PPIL3: variants seen among roughly 807,000 people sequenced by gnomAD.
PPIL3 encodes the protein peptidyl-prolyl cis-trans isomerase-like 3.
PPIL3 carries 13 observed loss-of-function variants against 20.9 expected under a neutral mutation model. The ratio of observed to expected loss-of-function variants is 0.62; its 90% CI spans 0.40 to 0.99. PPIL3 has a LOEUF of 0.99. Among genes scored for constraint, PPIL3 ranks in the 50% least tolerant of loss-of-function variants. The pLI is 0.00. For missense variants in PPIL3, 170 were observed against 195.2 expected, an observed-to-expected ratio of 0.87 and a Z score of 0.77; for synonymous variants, 71 against 64.4, an observed-to-expected ratio of 1.10 and a Z score of -0.49.
intron 5 of PPIL3, among the ~76,000 whole-genome samples, chr2:200,880,323 G>A (rs866587373): frequency 5.9e-5 from 9 of 151,362 alleles, no homozygotes. Context: ...ACACTGCAAT[G>A]AATTTTTTTC....
At position 200,882,384 on chromosome 2, in the gene PPIL3, T is replaced by C; in HGVS notation, c.130A>G (p.Arg44Gly). ...TGAACCATGAAACCCTTGATATTCC[T>C]ATGAAATATACAGCCATTGTAGTAA... Reference protein sequence around the residue: ...SNYYNGCIFHRNIKGFMVQTG... With the variant: ...SNYYNGCIFHGNIKGFMVQTG... The change falls in exon 4 of 7, where the codon AGG becomes GGG. Residue 44 changes from arginine (R) to glycine (G), a missense_variant. Arg to Gly is a moderately radical substitution (Grantham distance 125). Transcript: ENST00000392283. The C allele has an allele frequency of 6.2e-7, 1 of 1,608,502 alleles. No individual in the cohort carries two copies. Among genetic ancestry groups the C allele is most frequent in the Non-Finnish European group, 8.5e-7 (1 of 1,174,854 alleles).
At chr2:200,878,805 A>T (rs2039611507) in intron 5 of PPIL3, among the ~76,000 whole-genome samples, 6 of 152,224 alleles carry the variant, frequency 3.9e-5, no homozygotes, top group African/African-American at 1.4e-4. Flanking sequence ...TAACATTGTT[A>T]CATTTCTAAG....
rs551487379 is a variant in PPIL3 at position 200,879,158 on chromosome 2, G to A, written c.241-2121C>T. 1.1e-4 allele frequency among the ~76,000 whole-genome samples: 17 copies of A among 151,502 alleles called. 1 individual carries two copies. Among genetic ancestry groups the A allele is most frequent in the South Asian group, 1.0e-3 (5 of 4,788 alleles). On this transcript the variant is annotated intron_variant, in intron 5 of 6. Transcript: ENST00000392283. ...TTTTTAGACGGAGTCTCGCTCTGTC[G>A]CCCAGACTGGAGTGCAGCAGCACGA...
chr2:200,873,980 C>T (rs573806837), intron 6 of PPIL3, among the ~76,000 whole-genome samples: 30 of 151,442 alleles, frequency 2.0e-4, no homozygotes, highest in African/African-American at 4.6e-4. Context: ...CCAAGGCGGG[C>T]GGATCACGAG....
chr2:200,882,538 A>C, intron 3 of PPIL3, 103 bp from the exon 4 acceptor site: 1 of 764,086 alleles, frequency 1.3e-6, no homozygotes, highest in Non-Finnish European at 2.3e-6. Context: ...TATTTAAACT[A>C]TGACTGTTGT....
intron 4 of PPIL3, 124 bp downstream of exon 4, chr2:200,882,218 G>T: frequency 1.4e-6 from 1 of 705,662 alleles, no homozygotes; most frequent in Admixed American, 2.4e-5. Flanking sequence ...TGTACTTGTA[G>T]AACAGAACTT....
intron 5 of PPIL3, among the ~76,000 whole-genome samples, chr2:200,878,965 T>A (rs1464509908): frequency 6.6e-6 from 1 of 152,200 alleles, no homozygotes; most frequent in Non-Finnish European, 1.5e-5. Context: ...ACTTTTGCTA[T>A]TACAAACAGT....
intron 3 of PPIL3, among the ~76,000 whole-genome samples, chr2:200,884,538 G>A (rs2039857099): frequency 1.3e-5 from 2 of 152,138 alleles, no homozygotes; most frequent in African/African-American, 4.8e-5. Context: ...AGGAGTTCGA[G>A]ACCAAGTTGG....
chr2:200,884,693 T>C (rs1430894264), intron 3 of PPIL3, among the ~76,000 whole-genome samples: 2 of 151,958 alleles, frequency 1.3e-5, no homozygotes, highest in Admixed American at 6.5e-5. Context: ...TGAGCCGTGA[T>C]TGCACCACTG....
Position 200,885,683 on chromosome 2 carries a change from A to C in PPIL3, c.78+15T>G. ...TGTATTAACTGATGTTGAATATGTA[A>C]ATAATAGTACTTACCTCACATGTTT... On this transcript the variant is annotated intron_variant, in intron 3 of 6. Transcript: ENST00000392283. 2 of 1,476,316 alleles carry C rather than the reference A, an allele frequency of 1.4e-6. No individual in the cohort carries two copies. The highest frequency in any genetic ancestry group is 1.9e-6 in the Non-Finnish European group (2 of 1,060,922). 91.5% of individuals were successfully genotyped at this position (1,476,316 alleles called of 1,614,324 possible).
intron 1 of PPIL3, among the ~76,000 whole-genome samples, chr2:200,888,129 C>T (rs2040034757): frequency 6.6e-6 from 1 of 151,924 alleles, no homozygotes; most frequent in South Asian, 2.1e-4. Context: ...GATATCCTAC[C>T]CGATTCAAGC....
At chr2:200,886,898 C>G (rs1338069088) in intron 2 of PPIL3, 1 of 152,232 alleles carries the variant, frequency 6.6e-6, no homozygotes, top group Non-Finnish European at 1.5e-5. Context: ...CTCCTGGGAT[C>G]AAGCAGTCCT....
chr2:200,886,201 A>G (rs908338185), intron 2 of PPIL3, among the ~76,000 whole-genome samples: 6 of 152,214 alleles, frequency 3.9e-5, no homozygotes, highest in African/African-American at 1.4e-4. Context: ...TTCCTTAGGT[A>G]ATTTAATTCT....
intron 2 of PPIL3, among the ~76,000 whole-genome samples, chr2:200,886,692 C>T (rs559354552): frequency 1.3e-5 from 2 of 152,182 alleles, no homozygotes; most frequent in Non-Finnish European, 2.9e-5. Context: ...TCCCAAAGTG[C>T]CGAGATTACA....
chr2:200,889,091 G>A, upstream of PPIL3: 1 of 469,808 alleles, frequency 2.1e-6, no homozygotes, highest in East Asian at 7.0e-5. Flanking sequence ...ACCCAAGAGA[G>A]AGAACGCCCC....
Position 200,888,290 on chromosome 2 carries a change from T to C in PPIL3, c.-70-605A>G, listed in dbSNP as rs2040044557. On this transcript the variant is annotated intron_variant, in intron 1 of 6. Coordinates refer to ENST00000392283, the MANE Select transcript of PPIL3 (RefSeq NM_130906.3). ...TCAGACATCTCTACGGCTAATTTCC[T>C]CACCTCCAAATTTCTGCTTAAATGT... 4 of 152,162 alleles carry C rather than the reference T, an allele frequency of 2.6e-5. 1 individual carries two copies. The highest frequency in any genetic ancestry group is 2.6e-4 in the Admixed American group (4 of 15,236). 9.4% of individuals were successfully genotyped at this position (152,162 alleles called of 1,614,324 possible).
chr2:200,883,138 G>A (rs1280907863), intron 3 of PPIL3, among the ~76,000 whole-genome samples: 3 of 100,926 alleles, frequency 3.0e-5, no homozygotes, highest in Admixed American at 1.2e-4. Context: ...TTTTTTTGTA[G>A]AGACAGTGTC....
chr2:200,875,759 G>C (rs2039488164), intron 6 of PPIL3, among the ~76,000 whole-genome samples: 1 of 151,736 alleles, frequency 6.6e-6, no homozygotes. Context: ...TTTTTTTATA[G>C]AGATGGGTTC....
intron 6 of PPIL3, among the ~76,000 whole-genome samples, chr2:200,872,423 C>T (rs986910174): frequency 2.0e-5 from 3 of 151,944 alleles, no homozygotes; most frequent in Non-Finnish European, 1.5e-5. Flanking sequence ...TAGGTAGGCA[C>T]GATTAATTAA....
Sources: gnomAD v4.1 joint callset for allele counts (sites outside exome capture counted in the v4.1 genomes callset) on GRCh38, gnomAD v4.1.1 for gene constraint, MANE v1.5 for transcripts, NCBI Gene and HGNC (gene_info 2026-07-23, HGNC 2026-07-21) for gene names.